The following CNTN5 variants were observed in gnomAD, a reference collection of about 807,000 sequenced individuals.
The protein encoded by CNTN5 is contactin-5.
CNTN5 carries 77 observed loss-of-function variants against 129.1 expected under a neutral mutation model. That is an observed-to-expected ratio of 0.60 (90% CI 0.50 to 0.72). The LOEUF is 0.72. Ranked by LOEUF, CNTN5 falls within the 30% of genes least tolerant of loss-of-function variation. The pLI is 0.00. For synonymous variants in CNTN5, 509 were observed against 465.6 expected, an observed-to-expected ratio of 1.09 and a Z score of -1.20; for missense variants, 1,478 against 1,328.8, an observed-to-expected ratio of 1.11 and a Z score of -1.75.
At chr11:100,257,595 G>A (rs1274766521) in intron 17 of CNTN5, among the ~76,000 whole-genome samples, 3 of 152,134 alleles carry the variant, frequency 2.0e-5, no homozygotes, top group Non-Finnish European at 4.4e-5. Flanking sequence ...GGAGGAAACA[G>A]GCAGCAATCT....
chr11:99,225,178 T>C (rs189544860), intron 1 of CNTN5, among the ~76,000 whole-genome samples: 8 of 152,118 alleles, frequency 5.3e-5, no homozygotes, highest in African/African-American at 1.9e-4. Context: ...ATTAAGGAGA[T>C]GAAGAGTAAT....
intron 3 of CNTN5, among the ~76,000 whole-genome samples, chr11:99,645,102 T>TAAAAAAAA (rs140819611): frequency 4.2e-5 from 6 of 143,216 alleles, no homozygotes; most frequent in Non-Finnish European, 7.6e-5. Flanking sequence ...CGTCTCTACT[T>TAAAAAAAA]TAAAAAAAAA....
intron 9 of CNTN5, among the ~76,000 whole-genome samples, chr11:100,048,275 T>C (rs927902739): frequency 2.0e-5 from 3 of 149,768 alleles, no homozygotes; most frequent in Non-Finnish European, 3.0e-5. Flanking sequence ...TTTCTCAAAC[T>C]TTCAACTTCA....
intron 15 of CNTN5, among the ~76,000 whole-genome samples, chr11:100,218,536 T>C (rs1949192258): frequency 6.6e-6 from 1 of 152,220 alleles, no homozygotes; most frequent in Non-Finnish European, 1.5e-5. Flanking sequence ...GGCACCATAC[T>C]GAGAAGGGTC....
intron 3 of CNTN5, among the ~76,000 whole-genome samples, chr11:99,782,546 C>T (rs1945350065): frequency 6.6e-6 from 1 of 151,688 alleles, no homozygotes; most frequent in Non-Finnish European, 1.5e-5. Context: ...AAGAACAAAG[C>T]TGGAGGCATC....
intron 15 of CNTN5, among the ~76,000 whole-genome samples, chr11:100,204,436 A>T (rs1269206808): frequency 1.4e-5 from 2 of 147,090 alleles, no homozygotes; most frequent in African/African-American, 2.5e-5. Context: ...ATAGATATCT[A>T]TAGATCTATA....
chr11:99,328,491 AT>A (rs1865872675), intron 2 of CNTN5, among the ~76,000 whole-genome samples: 1 of 152,130 alleles, frequency 6.6e-6, no homozygotes, highest in South Asian at 2.1e-4. Flanking sequence ...TTGGTTATTT[AT>A]TTTAACTACA....
intron 1 of CNTN5, among the ~76,000 whole-genome samples, chr11:99,274,334 G>C (rs902009534): frequency 6.6e-6 from 1 of 151,772 alleles, no homozygotes; most frequent in East Asian, 2.0e-4. Flanking sequence ...TGAAATATGT[G>C]TTAACATTCT....
chr11:99,376,615 T>G (rs1940198320), intron 2 of CNTN5, among the ~76,000 whole-genome samples: 1 of 152,204 alleles, frequency 6.6e-6, no homozygotes, highest in African/African-American at 2.4e-5. Context: ...CTGCCCATGT[T>G]GTGGTCAGAA....
At chr11:99,725,710 G>T (rs891494083) in intron 3 of CNTN5, among the ~76,000 whole-genome samples, 1 of 152,132 alleles carries the variant, frequency 6.6e-6, no homozygotes. Flanking sequence ...TTCCTGTAGT[G>T]TATCTGCATG....
chr11:100,202,844 C>A (rs1948814909), intron 15 of CNTN5, among the ~76,000 whole-genome samples: 1 of 151,856 alleles, frequency 6.6e-6, no homozygotes, highest in South Asian at 2.1e-4. Flanking sequence ...CAACACAGGC[C>A]CATTTACGCA....
intron 6 of CNTN5, among the ~76,000 whole-genome samples, chr11:99,868,857 T>C (rs1948426245): frequency 6.6e-6 from 1 of 152,172 alleles, no homozygotes; most frequent in African/African-American, 2.4e-5. Context: ...GTATAGGTTT[T>C]TAAATGATGA....
At chr11:100,027,907 T>C (rs1183557642) in intron 9 of CNTN5, among the ~76,000 whole-genome samples, 2 of 152,210 alleles carry the variant, frequency 1.3e-5, no homozygotes, top group South Asian at 4.1e-4. Flanking sequence ...TTTTGTGTAG[T>C]ATTTAGCTAA....
intron 3 of CNTN5, among the ~76,000 whole-genome samples, chr11:99,689,452 G>A (rs889153294): frequency 5.3e-5 from 8 of 150,062 alleles, no homozygotes; most frequent in East Asian, 2.0e-4. Flanking sequence ...GCGTGAACCC[G>A]GGAGGTGGAG....
chr11:100,089,377 G>A (rs923628489), intron 13 of CNTN5, among the ~76,000 whole-genome samples: 3 of 152,082 alleles, frequency 2.0e-5, no homozygotes, highest in Non-Finnish European at 2.9e-5. Context: ...ATGCCAGTTA[G>A]AATGGTTATT....
At chr11:99,498,564 C>T (rs1238723927) in intron 2 of CNTN5, among the ~76,000 whole-genome samples, 1 of 152,144 alleles carries the variant, frequency 6.6e-6, no homozygotes, top group East Asian at 1.9e-4. Flanking sequence ...AGAATTTCCT[C>T]CCTACTCCCA....
intron 3 of CNTN5, among the ~76,000 whole-genome samples, chr11:99,637,479 C>T (rs1951606057): frequency 1.3e-5 from 2 of 152,224 alleles, no homozygotes; most frequent in South Asian, 4.1e-4. Flanking sequence ...AACTCACATC[C>T]AGCTCATCTT....
chr11:99,075,761 ATAG>A (rs1865538097), intron 1 of CNTN5, among the ~76,000 whole-genome samples: 1 of 152,194 alleles, frequency 6.6e-6, no homozygotes, highest in African/African-American at 2.4e-5. Context: ...GTTTATGATG[ATAG>A]TAGTATTGGT....
intron 20 of CNTN5, among the ~76,000 whole-genome samples, chr11:100,303,480 G>A (rs1226981027): frequency 2.6e-5 from 4 of 151,572 alleles, no homozygotes; most frequent in African/African-American, 9.7e-5. Flanking sequence ...GAAAAGAACT[G>A]GAGCATTCAA....
Sources: gnomAD v4.1 joint callset for allele counts (sites outside exome capture counted in the v4.1 genomes callset) on GRCh38, gnomAD v4.1.1 for gene constraint, MANE v1.5 for transcripts, NCBI Gene and HGNC (gene_info 2026-07-23, HGNC 2026-07-21) for gene names.